AFF2: variants seen among roughly 807,000 people sequenced by gnomAD.
AFF2 encodes the protein AF4/FMR2 family member 2.
A neutral mutation model predicts 76.9 loss-of-function variants in AFF2; 14 were observed. The ratio of observed to expected loss-of-function variants is 0.18; its 90% CI spans 0.12 to 0.28. The LOEUF (loss-of-function observed/expected upper bound fraction) is 0.28. AFF2 is among the 10% of genes least tolerant of loss of function. The probability of loss-of-function intolerance (pLI) is 1.00; values close to 1 mark genes in which losing one functional copy is unlikely to be tolerated. For synonymous variants in AFF2, 398 were observed against 366.7 expected (o/e 1.09, Z -0.98); for missense variants, 868 against 1,001.1 (o/e 0.87, Z 1.79).
chrX:148,501,051 G>T lies in AFF2; in HGVS notation c.-47G>T, dbSNP rs200653079. The T allele has an allele frequency of 4.7e-4, 559 of 1,198,882 alleles. No individual in the cohort carries two copies. The highest frequency in any genetic ancestry group is 5.8e-4 in the Non-Finnish European group (519 of 890,716). ...GCTGTGCCGAGAGCCGCGCCGACCC[G>T]CTGCGATCAGGGACAGGCGCCCGCC... On this transcript the variant is annotated 5_prime_UTR_variant, in exon 1 of 21. Coordinates refer to ENST00000370460, the MANE Select transcript of AFF2 (RefSeq NM_002025.4).
chrX:148,728,202 C>T lies in AFF2; in HGVS notation c.1041+65434C>T, dbSNP rs1359412930. ...TGTTGTAGGCTGTTTCACAGCAAAT[C>T]TTTAGCCTTAGCCTTCCCTGGGACT... On this transcript the variant is annotated intron_variant, in intron 3 of 20. Transcript: ENST00000370460. 1.2e-4 allele frequency among the ~76,000 whole-genome samples: 13 copies of T among 112,540 alleles called. No individual in the cohort carries two copies. The Admixed American group carries it at 1.2e-3, about 11-fold the overall frequency.
chrX:148,563,911 TA>T (rs1557241201), intron 1 of AFF2, among the ~76,000 whole-genome samples: 1 of 111,740 alleles, frequency 8.9e-6, no homozygotes, highest in African/African-American at 3.3e-5. Flanking sequence ...AGGTGTTTTA[TA>T]AATGCTTGTT....
At chrX:148,621,671 G>A (rs782677011) in intron 1 of AFF2, among the ~76,000 whole-genome samples, 41 of 111,829 alleles carry the variant, frequency 3.7e-4, no homozygotes, top group Non-Finnish European at 6.4e-4. Flanking sequence ...GCACTCTATT[G>A]AAGAGCCCAT....
intron 3 of AFF2, among the ~76,000 whole-genome samples, chrX:148,804,834 C>T (rs962575593): frequency 7.1e-5 from 8 of 111,983 alleles, no homozygotes; most frequent in Non-Finnish European, 1.3e-4. Flanking sequence ...AGAATAGGGA[C>T]GGTTAAGGTG....
At chrX:148,676,282 G>A (rs1224116079) in intron 3 of AFF2, among the ~76,000 whole-genome samples, 4 of 110,489 alleles carry the variant, frequency 3.6e-5, no homozygotes, top group Non-Finnish European at 7.6e-5. Flanking sequence ...TCCTGACCTC[G>A]TGATCCACCC....
At chrX:148,619,138 G>A (rs2053842776) in intron 1 of AFF2, among the ~76,000 whole-genome samples, 1 of 111,538 alleles carries the variant, frequency 9.0e-6, no homozygotes, top group East Asian at 2.8e-4. Context: ...TGGCAGTTTT[G>A]AAGGATTCCA....
intron 1 of AFF2, among the ~76,000 whole-genome samples, chrX:148,587,373 G>T (rs1025157254): frequency 8.9e-6 from 1 of 112,127 alleles, no homozygotes. Flanking sequence ...TGATGAAAAA[G>T]CATGCATTTT....
At chrX:148,865,363 A>G (rs2070894028) in intron 7 of AFF2, among the ~76,000 whole-genome samples, 1 of 112,572 alleles carries the variant, frequency 8.9e-6, no homozygotes, top group Non-Finnish European at 1.9e-5. Context: ...ATATGTCATT[A>G]TAAAGCTGCC....
chrX:148,808,835 T>C (rs1370022460), intron 3 of AFF2, among the ~76,000 whole-genome samples: 1 of 111,903 alleles, frequency 8.9e-6, no homozygotes, highest in East Asian at 2.8e-4. Flanking sequence ...GGTGAGGAAA[T>C]CTAGTGCCGT....
At chrX:148,984,977 T>G (rs182576307) in intron 19 of AFF2, among the ~76,000 whole-genome samples, 1 of 110,846 alleles carries the variant, frequency 9.0e-6, no homozygotes, top group East Asian at 2.8e-4. Flanking sequence ...TCTCTTTCCC[T>G]TTTGTTTTCT....
chrX:148,722,897 T>C (rs2055110740), intron 3 of AFF2, among the ~76,000 whole-genome samples: 1 of 110,919 alleles, frequency 9.0e-6, no homozygotes, highest in Non-Finnish European at 1.9e-5. Context: ...ACCATCTTGC[T>C]AGCTCTTTCT....
rs1287380397 is a variant in AFF2 at position 148,992,481 on chromosome X, C to CCTT, written c.*1150_*1152dup. The CCTT allele has an allele frequency of 2.7e-5, 3 of 111,649 alleles. No homozygotes were observed. Among genetic ancestry groups the CCTT allele is most frequent in the African/African-American group, 9.8e-5 (3 of 30,766 alleles). 9.2% of individuals were successfully genotyped at this position (111,649 alleles called of 1,213,427 possible). The stretch of plus-strand genomic sequence containing the variant: ...TTCTTTTTTCTCTTATCTGTGTTTC[C>CCTT]CTTTCCTTTGTTTGGCTCATTAACT... On this transcript the variant is annotated 3_prime_UTR_variant, in exon 21 of 21. Coordinates refer to ENST00000370460, the MANE Select transcript of AFF2 (RefSeq NM_002025.4).
chrX:148,883,960 A>C (rs978242136), intron 7 of AFF2, among the ~76,000 whole-genome samples: 3 of 84,744 alleles, frequency 3.5e-5, no homozygotes, highest in Non-Finnish European at 7.1e-5. Context: ...ACACATAGAC[A>C]TTCCCTAGAT....
rs2072533139 is a variant in AFF2 at position 148,991,475 on chromosome X, A to G, written c.*143A>G. On this transcript the variant is annotated 3_prime_UTR_variant, in exon 21 of 21. Transcript: ENST00000370460. ...ATGCTTCTTTTGTTATCTGTAAAAA[A>G]CAGAAGTCATTGTAAGTTGACACTA... The G allele has an allele frequency of 1.3e-6, 1 of 759,681 alleles. No individual in the cohort carries two copies. The highest frequency in any genetic ancestry group is 4.7e-5 in the South Asian group (1 of 21,093). The allele number at this position is 759,681 out of a possible 1,213,427, so 62.6% of individuals were successfully genotyped here.
chrX:148,623,600 AATATATAT>A (rs782158598), intron 1 of AFF2, among the ~76,000 whole-genome samples: 1 of 101,477 alleles, frequency 9.9e-6, no homozygotes, highest in African/African-American at 3.6e-5. Context: ...CAAACATTTG[AATATATAT>A]ATATATATAT....
intron 3 of AFF2, among the ~76,000 whole-genome samples, chrX:148,796,500 G>A (rs1302348204): frequency 8.9e-6 from 1 of 112,145 alleles, no homozygotes; most frequent in Non-Finnish European, 1.9e-5. Flanking sequence ...TTGGAAACCG[G>A]GCTTCGACTT....
intron 7 of AFF2, among the ~76,000 whole-genome samples, chrX:148,884,776 G>A (rs1360447056): frequency 1.8e-5 from 2 of 112,208 alleles, no homozygotes; most frequent in Non-Finnish European, 3.8e-5. Flanking sequence ...GGAGCTGAGG[G>A]TTGGGTAGAG....
At chrX:148,546,089 A>G (rs1388289215) in intron 1 of AFF2, among the ~76,000 whole-genome samples, 1 of 112,276 alleles carries the variant, frequency 8.9e-6, no homozygotes, top group Non-Finnish European at 1.9e-5. Flanking sequence ...ATAAAAAATG[A>G]CATCACTATT....
chrX:148,811,400 C>T (rs1475772792), intron 4 of AFF2, among the ~76,000 whole-genome samples: 4 of 111,042 alleles, frequency 3.6e-5, no homozygotes, highest in African/African-American at 9.9e-5. Flanking sequence ...CTCAGGGGCC[C>T]GACGTTTTGG....
Sources: gnomAD v4.1 joint callset for allele counts (sites outside exome capture counted in the v4.1 genomes callset) on GRCh38, gnomAD v4.1.1 for gene constraint, MANE v1.5 for transcripts, NCBI Gene and HGNC (gene_info 2026-07-23, HGNC 2026-07-21) for gene names.